Variants in TOR1AIP1 observed in about 807,000 individuals in gnomAD.
TOR1AIP1 encodes the protein torsin-1A-interacting protein 1.
A neutral mutation model predicts 63.3 loss-of-function variants in TOR1AIP1; 54 were observed. The observed-to-expected ratio is 0.85, with a 90% CI of 0.69 to 1.07. The LOEUF (loss-of-function observed/expected upper bound fraction) is 1.07. Ranked by LOEUF, TOR1AIP1 falls within the 50% of genes least tolerant of loss-of-function variation. TOR1AIP1 has a pLI of 0.00. For missense variants in TOR1AIP1, 736 were observed against 715.0 expected (o/e 1.03, Z -0.33); for synonymous variants, 294 against 273.5 (o/e 1.07, Z -0.74).
intron 9 of TOR1AIP1, among the ~76,000 whole-genome samples, chr1:179,914,655 G>C (rs189736286): frequency 6.6e-6 from 1 of 152,144 alleles, no homozygotes; most frequent in Admixed American, 6.5e-5. Context: ...TTAGCTGGGC[G>C]TGGTGGCACA....
intron 1 of TOR1AIP1, chr1:179,883,788 A>C (rs772120932): frequency 4.1e-5 from 17 of 418,594 alleles, no homozygotes; most frequent in Non-Finnish European, 7.3e-5. Context: ...GGTAAGTCAT[A>C]GGTGAATCAG....
intron 9 of TOR1AIP1, among the ~76,000 whole-genome samples, chr1:179,916,703 T>TTC (rs1171677601): frequency 2.2e-5 from 3 of 137,000 alleles, no homozygotes; most frequent in Non-Finnish European, 3.2e-5. Flanking sequence ...TCCTTTTCTT[T>TTC]TTTTTTTTTT....
At position 179,917,983 on chromosome 1, in the gene TOR1AIP1, A is replaced by G; in HGVS notation, c.1496A>G (p.Glu499Gly). 1 of 1,614,228 alleles carries G rather than the reference A, an allele frequency of 6.2e-7. No homozygotes were observed. The highest frequency in any genetic ancestry group is 8.5e-7 in the Non-Finnish European group (1 of 1,180,048). The change falls in exon 10 of 10, where the codon GAA becomes GGA. Residue 499 changes from glutamate to glycine, a missense_variant. Transcript: ENST00000606911. ...TLIFYKYCDH[E>G]NAAFKDVALV... ...ATCTTCTACAAATATTGTGACCATG[A>G]AAACGCGGCCTTCAAAGATGTAGCC...
intron 8 of TOR1AIP1, among the ~76,000 whole-genome samples, chr1:179,911,100 A>C (rs115737914): frequency 1.6e-4 from 25 of 152,352 alleles, no homozygotes; most frequent in African/African-American, 6.0e-4. Flanking sequence ...GAGCTTTCAG[A>C]GTTATGTAAC....
At chr1:179,889,225 T>C in intron 2 of TOR1AIP1, 88 bp from the exon 3 acceptor site, 1 of 1,064,370 alleles carries the variant, frequency 9.4e-7, no homozygotes. Flanking sequence ...TAAACCTTTG[T>C]TGAATAAATA....
At chr1:179,898,979 AT>A (rs1211576053) in intron 3 of TOR1AIP1, among the ~76,000 whole-genome samples, 1 of 152,100 alleles carries the variant, frequency 6.6e-6, no homozygotes, top group Non-Finnish European at 1.5e-5. Flanking sequence ...AAGAGGAAGT[AT>A]TTTCAGTGGA....
intron 8 of TOR1AIP1, among the ~76,000 whole-genome samples, chr1:179,910,765 G>A (rs928315482): frequency 6.6e-6 from 1 of 152,134 alleles, no homozygotes; most frequent in Non-Finnish European, 1.5e-5. Context: ...GGCATCTTGT[G>A]TCATTTCTTA....
rs1338162675 is a variant in TOR1AIP1 at position 179,889,379 on chromosome 1, TGTTTGTCTGTTG to T, written c.610+15_610+26del. 2 of 1,600,872 alleles carry T rather than the reference TGTTTGTCTGTTG, an allele frequency of 1.2e-6. No individual in the cohort carries two copies. The highest frequency in any genetic ancestry group is 1.7e-6 in the Non-Finnish European group (2 of 1,170,492). The stretch of plus-strand genomic sequence containing the variant: ...AGATACCCAAGATATGGTAAGAGAT[TGTTTGTCTGTTG>T]GTTTACCTTTGTTATAAATACAGTT... On this transcript the variant is annotated intron_variant, in intron 3 of 9. Coordinates refer to ENST00000606911, the MANE Select transcript of TOR1AIP1 (RefSeq NM_015602.4).
chr1:179,887,066 G>T lies in TOR1AIP1; in HGVS notation c.554-2247G>T, dbSNP rs1039190275. Among the ~76,000 whole-genome samples the T allele has an allele frequency of 3.9e-5, 6 of 152,032 alleles. No homozygotes were observed. In the East Asian group the frequency reaches 7.7e-4, roughly 20 times the overall value. Reference sequence around the variant, plus strand: ...TGCTATAATTGTATATAAGGCTACCGGTGTGGTCTGACAGAAAATTATGCA... The same window carrying T: ...TGCTATAATTGTATATAAGGCTACCTGTGTGGTCTGACAGAAAATTATGCA... On this transcript the variant is annotated intron_variant, in intron 2 of 9. Coordinates refer to ENST00000606911, the MANE Select transcript of TOR1AIP1 (RefSeq NM_015602.4).
intron 6 of TOR1AIP1, among the ~76,000 whole-genome samples, chr1:179,907,609 A>ATATATATATG (rs1197348554): frequency 8.6e-5 from 2 of 23,384 alleles, no homozygotes; most frequent in Admixed American, 1.3e-3. Context: ...ATATATATAT[A>ATATATATATG]TATATATATG....
Position 179,918,070 on chromosome 1 carries a change from T to C in TOR1AIP1, c.1583T>C (p.Val528Ala), listed in dbSNP as rs969971863. Residue 528 changes from valine (V) to alanine (A), a missense_variant, in exon 10 of 10, where the codon GTT (valine) becomes GCT (alanine). Val to Ala is a moderately conservative substitution (Grantham distance 64). Around this residue, in one of 2 missense-constraint regions of TOR1AIP1, gnomAD observed 272 missense variants for 344.1 expected, o/e 0.79. Coordinates refer to ENST00000606911, the MANE Select transcript of TOR1AIP1 (RefSeq NM_015602.4). ...GGAACAAGTCTAGGCCTAAAGGAAGTTGAAGAAAAAGTAAGAGATTTTCTT... is the reference window on the plus strand; with the variant it reads ...GGAACAAGTCTAGGCCTAAAGGAAGCTGAAGAAAAAGTAAGAGATTTTCTT... ...TLGTSLGLKEVEEKVRDFLKV... is the reference protein window; with the variant it reads ...TLGTSLGLKEAEEKVRDFLKV... 1.9e-6 allele frequency: 3 copies of C among 1,614,072 alleles called. No homozygotes were observed. The highest frequency in any genetic ancestry group is 3.3e-5 in the Admixed American group (2 of 59,996).
intron 2 of TOR1AIP1, among the ~76,000 whole-genome samples, chr1:179,887,477 T>C (rs1023149865): frequency 1.3e-5 from 2 of 152,210 alleles, no homozygotes; most frequent in Admixed American, 1.3e-4. Flanking sequence ...GGTTATCTTG[T>C]TATTGGAAGA....
intron 9 of TOR1AIP1, among the ~76,000 whole-genome samples, chr1:179,916,700 C>CTTTTTTTTTTTT (rs3029850): frequency 4.2e-5 from 4 of 95,180 alleles, no homozygotes; most frequent in Admixed American, 1.5e-4. Flanking sequence ...GCATCCTTTT[C>CTTTTTTTTTTTT]TTTTTTTTTT....
At chr1:179,886,018 G>A (rs566043038) in intron 2 of TOR1AIP1, among the ~76,000 whole-genome samples, 2 of 152,264 alleles carry the variant, frequency 1.3e-5, no homozygotes, top group East Asian at 3.9e-4. Flanking sequence ...TGGGATTATA[G>A]GCATCAGCCA....
intron 3 of TOR1AIP1, among the ~76,000 whole-genome samples, chr1:179,898,101 CA>C (rs990568099): frequency 1.0e-3 from 140 of 139,764 alleles, no homozygotes; most frequent in Admixed American, 1.1e-3. Context: ...AACCATGTCT[CA>C]AAAAAAAAAA....
Position 179,884,722 on chromosome 1 carries a change from G to A in TOR1AIP1, c.506G>A (p.Ser169Asn), listed in dbSNP as rs536849986. The A allele has an allele frequency of 6.2e-7, 1 of 1,611,460 alleles. No individual in the cohort carries two copies. Among genetic ancestry groups the A allele is most frequent in the Admixed American group, 1.7e-5 (1 of 59,412 alleles). Residue 169 changes from serine (S) to asparagine (N), a missense_variant, in exon 2 of 10, where the codon AGC (serine) becomes AAC (asparagine). Physicochemically the swap from Ser to Asn is conservative, Grantham distance 46. This residue lies in a region of TOR1AIP1 where 464 missense variants were observed against 371.0 expected (regional missense o/e 1.25). Transcript: ENST00000606911. The part of the protein sequence containing the change: ...EDEASSQTDL[S>N]QTISKKTVRS... ...GAAGCATCTTCCCAAACTGATTTAA[G>A]CCAAACGATCTCAAAGAAAACTGTC... is the stretch of plus-strand genomic sequence containing the variant.
intron 8 of TOR1AIP1, among the ~76,000 whole-genome samples, chr1:179,910,345 G>T (rs768729754): frequency 7.2e-5 from 11 of 152,084 alleles, no homozygotes; most frequent in Non-Finnish European, 1.5e-4. Context: ...TATATCTCTT[G>T]CTCATGGGAT....
In TOR1AIP1 at chr1:179,919,931, A is replaced by C. The variant is rs1328625622; in HGVS notation, c.*1692A>C. On this transcript the variant is annotated 3_prime_UTR_variant, in exon 10 of 10. Transcript: ENST00000606911. ...ATTATATAGAGAAACAAATGTTTTT[A>C]TTAAATGTTTCATTGACCCAAGTAA... 6.6e-6 allele frequency: 1 copy of C among 152,242 alleles called. No homozygotes were observed. Among genetic ancestry groups the C allele is most frequent in the Non-Finnish European group, 1.5e-5 (1 of 68,046 alleles). 9.4% of individuals were successfully genotyped at this position (152,242 alleles called of 1,614,324 possible).
rs776254006 is a variant in TOR1AIP1 at position 179,917,876 on chromosome 1, A to G, written c.1389A>G (p.Gln463=). Residue 463 remains glutamine (Q), a synonymous_variant, in exon 10 of 10, where the codon CAA becomes CAG. Coordinates refer to ENST00000606911, the MANE Select transcript of TOR1AIP1 (RefSeq NM_015602.4). ...ATACTGTCAAACTAGAGGTAGACCA[A>G]GAACTGAGCAATGGATTTAAGAATG... The part of the protein sequence containing the change: ...DSDTVKLEVD[Q]ELSNGFKNGQ... 9.9e-6 allele frequency: 16 copies of G among 1,614,118 alleles called. No homozygotes were observed. The Admixed American group carries it at 2.7e-4, about 27-fold the overall frequency.
Sources: gnomAD v4.1 joint callset for allele counts (sites outside exome capture counted in the v4.1 genomes callset) on GRCh38, gnomAD v4.1.1 for gene constraint, gnomAD v4.1.1 regional missense constraint, MANE v1.5 for transcripts, NCBI Gene and HGNC (gene_info 2026-07-23, HGNC 2026-07-21) for gene names.